Variants in ZEB2 observed in about 807,000 individuals in gnomAD.
ZEB2 encodes zinc finger E-box binding homeobox 2.
A neutral mutation model predicts 99.9 loss-of-function variants in ZEB2; 6 were observed. The observed-to-expected ratio is 0.06, with a 90% confidence interval of 0.03 to 0.12. The LOEUF (loss-of-function observed/expected upper bound fraction) is 0.12, where lower values mean the gene tolerates loss of function less well. ZEB2 is among the 10% of genes least tolerant of loss of function. ZEB2 has a pLI of 1.00. For missense variants in ZEB2, 969 were observed against 1,502.8 expected (o/e 0.64, Z 5.87); for synonymous variants, 517 against 542.5 (o/e 0.95, Z 0.65).
At chr2:144,434,369 G>A (rs1250123014) in intron 2 of ZEB2, among the ~76,000 whole-genome samples, 2 of 152,094 alleles carry the variant, frequency 1.3e-5, no homozygotes, top group African/African-American at 4.8e-5. Flanking sequence ...AATTTATTTG[G>A]AGAAATATAA....
chr2:144,474,894 A>G (rs1258046857), intron 2 of ZEB2, among the ~76,000 whole-genome samples: 2 of 152,218 alleles, frequency 1.3e-5, no homozygotes, highest in Non-Finnish European at 2.9e-5. Flanking sequence ...AAGAAATATA[A>G]CATTTTTATT....
intron 2 of ZEB2, among the ~76,000 whole-genome samples, chr2:144,438,884 A>G (rs907813873): frequency 6.6e-5 from 10 of 152,218 alleles, no homozygotes; most frequent in Non-Finnish European, 1.5e-4. Flanking sequence ...AAACAGCATC[A>G]TTGCACCTCA....
At chr2:144,451,780 T>C (rs1264545468) in intron 2 of ZEB2, among the ~76,000 whole-genome samples, 1 of 152,216 alleles carries the variant, frequency 6.6e-6, no homozygotes, top group East Asian at 1.9e-4. Context: ...AAAGAAGTTG[T>C]TGTCTTTTTG....
chr2:144,468,141 AG>A (rs1379322998), intron 2 of ZEB2, among the ~76,000 whole-genome samples: 4 of 152,264 alleles, frequency 2.6e-5, no homozygotes, highest in South Asian at 2.1e-4. Flanking sequence ...TAGAGGAGAC[AG>A]GAAGAGCCTG....
chr2:144,443,127 G>T (rs1279184721), intron 2 of ZEB2, among the ~76,000 whole-genome samples: 2 of 151,848 alleles, frequency 1.3e-5, no homozygotes, highest in African/African-American at 2.4e-5. Context: ...AAATATTACA[G>T]TTTCAAAAAA....
intron 5 of ZEB2, 25 bp from the exon 6 acceptor site, chr2:144,404,155 G>A (rs374466916): frequency 1.2e-6 from 2 of 1,612,928 alleles, no homozygotes; most frequent in Non-Finnish European, 1.7e-6. Context: ...CAGAGAGAGA[G>A]AGAAGCGGGC....
chr2:144,421,024 C>G (rs1703612768), intron 4 of ZEB2, among the ~76,000 whole-genome samples: 1 of 152,042 alleles, frequency 6.6e-6, no homozygotes, highest in Non-Finnish European at 1.5e-5. Context: ...AGAGAACAGT[C>G]AAATATAACT....
At chr2:144,420,089 T>C (rs1272410290) in intron 4 of ZEB2, among the ~76,000 whole-genome samples, 2 of 152,218 alleles carry the variant, frequency 1.3e-5, no homozygotes, top group African/African-American at 4.8e-5. Flanking sequence ...AAATATTCAT[T>C]CATTGATTCA....
Position 144,491,113 on chromosome 2 carries a change from T to C in ZEB2, c.73+26165A>G, listed in dbSNP as rs567143554. ...TATCATGCCAGTGATGTGCGGATAT[T>C]GGCAGGGCCTCTGGCCCTTCTGTGG... is the stretch of plus-strand genomic sequence containing the variant. On this transcript the variant is annotated intron_variant, in intron 2 of 9. Coordinates refer to ENST00000627532, the MANE Select transcript of ZEB2 (RefSeq NM_014795.4). 3.9e-5 allele frequency among the ~76,000 whole-genome samples: 6 copies of C among 152,358 alleles called. No homozygotes were observed. In the South Asian group the frequency reaches 6.2e-4, roughly 16 times the overall value.
chr2:144,423,758 T>G (rs1234082379), intron 4 of ZEB2, among the ~76,000 whole-genome samples: 1 of 152,230 alleles, frequency 6.6e-6, no homozygotes, highest in Non-Finnish European at 1.5e-5. Flanking sequence ...AATTCATGCT[T>G]TTAAGTTATT....
intron 2 of ZEB2, chr2:144,513,868 C>T: frequency 6.5e-7 from 1 of 1,530,370 alleles, no homozygotes. Context: ...TCCTCTCCAG[C>T]GTCAGTGAAA....
intron 2 of ZEB2, among the ~76,000 whole-genome samples, chr2:144,478,448 A>C (rs1434645149): frequency 1.3e-5 from 2 of 152,196 alleles, no homozygotes; most frequent in Non-Finnish European, 2.9e-5. Context: ...AGAGTTGTAT[A>C]TGTGTGTGTA....
Position 144,404,829 on chromosome 2 carries a change from G to C in ZEB2, c.592+7C>G, listed in dbSNP as rs1064796984. ...GTGCAGTGGCTAAAAATGATTTACA[G>C]CCTCACCATTTTCTTCTTGCCCATT... On this transcript the variant is annotated splice_region_variant and intron_variant, in intron 5 of 9. Coordinates refer to ENST00000627532, the MANE Select transcript of ZEB2 (RefSeq NM_014795.4). 1.9e-6 allele frequency: 3 copies of C among 1,613,532 alleles called. No individual in the cohort carries two copies. Among genetic ancestry groups the C allele is most frequent in the Non-Finnish European group, 2.5e-6 (3 of 1,179,770 alleles).
intron 2 of ZEB2, among the ~76,000 whole-genome samples, chr2:144,474,630 T>C (rs1345369741): frequency 6.6e-6 from 1 of 152,224 alleles, no homozygotes; most frequent in African/African-American, 2.4e-5. Flanking sequence ...TACTACGTAA[T>C]AACTGAGGAT....
At chr2:144,498,808 A>G (rs1305302883) in intron 2 of ZEB2, among the ~76,000 whole-genome samples, 1 of 152,084 alleles carries the variant, frequency 6.6e-6, no homozygotes, top group Non-Finnish European at 1.5e-5. Flanking sequence ...ATAGAAAGAT[A>G]CTCCCAGAGA....
chr2:144,485,761 G>C (rs1429091031), intron 2 of ZEB2, among the ~76,000 whole-genome samples: 2 of 152,126 alleles, frequency 1.3e-5, no homozygotes, highest in African/African-American at 2.4e-5. Context: ...TAGGATTACA[G>C]GCACTCGCCA....
At chr2:144,394,255 G>A (rs2149874576) in intron 9 of ZEB2, 1 of 152,252 alleles carries the variant, frequency 6.6e-6, no homozygotes, top group Non-Finnish European at 1.5e-5. Flanking sequence ...ATGCATATTT[G>A]TGTTTGTCAA....
At chr2:144,513,049 T>C (rs1034300894) in intron 2 of ZEB2, 1 of 1,287,236 alleles carries the variant, frequency 7.8e-7, no homozygotes, top group Non-Finnish European at 1.0e-6. Context: ...TGTCTAAGTG[T>C]GTATGACTCT....
intron 6 of ZEB2, among the ~76,000 whole-genome samples, chr2:144,403,243 CAG>C (rs147222249): frequency 0.061 from 9,285 of 152,178 alleles, 415 homozygotes; most frequent in Non-Finnish European, 0.1. Context: ...CTGTTGAAGA[CAG>C]AGTTTTTATT....
Sources: allele counts gnomAD v4.1 joint callset (sites outside exome capture counted in the v4.1 genomes callset), GRCh38; gene constraint gnomAD v4.1.1; transcripts MANE v1.5; gene names NCBI Gene and HGNC (gene_info 2026-07-23, HGNC 2026-07-21).